The following SPNS3 variants were observed in gnomAD, a reference collection of about 807,000 sequenced individuals.
The protein encoded by SPNS3 is protein spinster homolog 3.
In SPNS3, 51 loss-of-function variants were observed where a neutral mutation model predicts 54.4. The ratio of observed to expected loss-of-function variants is 0.94; its 90% CI spans 0.75 to 1.18. The LOEUF is 1.18. Ranked by LOEUF, SPNS3 falls within the 50% of genes most tolerant of loss-of-function variation. The pLI is 0.00. For synonymous variants in SPNS3, 309 were observed against 294.7 expected (o/e 1.05, Z -0.50); for missense variants, 669 against 677.4 (o/e 0.99, Z 0.14).
chr17:4,467,764 C>T (rs1971722294), intron 8 of SPNS3, among the ~76,000 whole-genome samples: 1 of 152,176 alleles, frequency 6.6e-6, no homozygotes. Flanking sequence ...CTGCTGAATT[C>T]AAGTGATTCT....
chr17:4,479,230 C>A (rs1364363909), intron 9 of SPNS3, among the ~76,000 whole-genome samples: 1 of 152,232 alleles, frequency 6.6e-6, no homozygotes, highest in African/African-American at 2.4e-5. Flanking sequence ...CGTGAGCCAC[C>A]GTGCCTGGCC....
chr17:4,467,333 C>G (rs1033065708), intron 8 of SPNS3, among the ~76,000 whole-genome samples: 3 of 152,056 alleles, frequency 2.0e-5, no homozygotes, highest in Non-Finnish European at 2.9e-5. Context: ...CCCAAAACTT[C>G]GTGGCTTAAA....
intron 2 of SPNS3, among the ~76,000 whole-genome samples, chr17:4,443,863 G>A (rs1049771991): frequency 4.6e-5 from 7 of 152,372 alleles, no homozygotes; most frequent in Admixed American, 3.3e-4. Context: ...CACTTTAGGA[G>A]GCCGAGGTGG....
At position 4,446,921 on chromosome 17, in the gene SPNS3, G is replaced by T. The variant is rs1418325182; in HGVS notation, c.580G>T (p.Ala194Ser). The change falls in exon 5 of 12, where the codon GCT becomes TCT. Residue 194 changes from alanine (A) to serine (S), a missense_variant. Physicochemically the swap from Ala to Ser is moderately conservative, Grantham distance 99. Coordinates refer to ENST00000355530, the MANE Select transcript of SPNS3 (RefSeq NM_182538.5). ...GSGLGYVLGSAVTMLTGNWRW... is the reference protein window; with the variant it reads ...GSGLGYVLGSSVTMLTGNWRW... Reference sequence around the variant, plus strand: ...TGGTCTGGGCTACGTGCTGGGGTCGGCTGTGACGATGCTGACTGGGAACTG... The same window carrying T: ...TGGTCTGGGCTACGTGCTGGGGTCGTCTGTGACGATGCTGACTGGGAACTG... 1.9e-6 allele frequency: 3 copies of T among 1,613,952 alleles called. No homozygotes were observed. Among genetic ancestry groups the T allele is most frequent in the Non-Finnish European group, 2.5e-6 (3 of 1,180,014 alleles).
Position 4,472,594 on chromosome 17 carries a change from T to C in SPNS3, c.1114-5978T>C, listed in dbSNP as rs116221529. Among the ~76,000 whole-genome samples, 917 of 152,172 alleles carry C rather than the reference T, an allele frequency of 6.0e-3. 3 individuals carry two copies. The highest frequency in any genetic ancestry group is 0.02 in the African/African-American group (817 of 41,538). On this transcript the variant is annotated intron_variant, in intron 8 of 11. Transcript: ENST00000355530. ...TGAGTGGAGTCCGTGATTGGAGCCA[T>C]TGTTGGCTTTCTCTGTTTTTCCTCT...
At chr17:4,462,792 T>C (rs1235693537) in intron 8 of SPNS3, among the ~76,000 whole-genome samples, 1 of 128,942 alleles carries the variant, frequency 7.8e-6, no homozygotes, top group African/African-American at 3.2e-5. Context: ...CATCCATCCA[T>C]CCATCCATCC....
chr17:4,465,746 C>T (rs1971659954), intron 8 of SPNS3, among the ~76,000 whole-genome samples: 1 of 152,130 alleles, frequency 6.6e-6, no homozygotes, highest in Non-Finnish European at 1.5e-5. Flanking sequence ...AAGAAATGGA[C>T]TCTATCTTTT....
chr17:4,468,227 G>A (rs1161147661), intron 8 of SPNS3, among the ~76,000 whole-genome samples: 2 of 152,142 alleles, frequency 1.3e-5, no homozygotes, highest in African/African-American at 4.8e-5. Context: ...AATCGCTTGA[G>A]CTTAAGCTCA....
intron 11 of SPNS3, 65 bp from the exon 12 acceptor site, chr17:4,487,741 C>T: frequency 1.3e-6 from 2 of 1,490,588 alleles, no homozygotes; most frequent in East Asian, 2.2e-5. Flanking sequence ...CGTGCCCAGG[C>T]CCAGGCCTGG....
chr17:4,453,936 G>A (rs1971236668), intron 8 of SPNS3, among the ~76,000 whole-genome samples: 1 of 151,912 alleles, frequency 6.6e-6, no homozygotes. Flanking sequence ...CCCCTTCATG[G>A]GCCTCACACT....
intron 8 of SPNS3, among the ~76,000 whole-genome samples, chr17:4,453,623 A>T (rs1212501506): frequency 6.7e-6 from 1 of 150,204 alleles, no homozygotes; most frequent in Non-Finnish European, 1.5e-5. Flanking sequence ...ATCTTGGGGG[A>T]AAAAAACAGA....
At chr17:4,455,872 C>T (rs983708583) in intron 8 of SPNS3, among the ~76,000 whole-genome samples, 19 of 152,176 alleles carry the variant, frequency 1.2e-4, no homozygotes, top group Non-Finnish European at 2.8e-4. Flanking sequence ...AGCGTCCAGT[C>T]AGGGAGAAAA....
chr17:4,487,304 G>A (rs937767711), intron 11 of SPNS3, among the ~76,000 whole-genome samples: 3 of 152,174 alleles, frequency 2.0e-5, no homozygotes, highest in Non-Finnish European at 4.4e-5. Flanking sequence ...AGACGCTTCC[G>A]GCAGTGGGGA....
chr17:4,448,237 A>C lies in SPNS3; in HGVS notation c.704A>C (p.Gln235Pro), dbSNP rs371109204. The C allele has an allele frequency of 6.2e-7, 1 of 1,600,288 alleles. No homozygotes were observed. The highest frequency in any genetic ancestry group is 8.5e-7 in the Non-Finnish European group (1 of 1,174,178). ...CCACCCCGGGGAGCTGCCGAGACAC[A>C]GGGGGAGGGGGCCGTGGGAGGCTTC... ...PDPPRGAAET[Q>P]GEGAVGGFRS... Residue 235 changes from glutamine (Q) to proline (P), a missense_variant, in exon 6 of 12, where the codon CAG becomes CCG. By Grantham distance (76) the Gln-to-Pro change is moderately conservative. Coordinates refer to ENST00000355530, the MANE Select transcript of SPNS3 (RefSeq NM_182538.5).
chr17:4,470,561 A>G (rs919487485), intron 8 of SPNS3, among the ~76,000 whole-genome samples: 4 of 152,130 alleles, frequency 2.6e-5, no homozygotes, highest in African/African-American at 9.7e-5. Flanking sequence ...TCACCCCAAA[A>G]AGAAATTTCA....
At chr17:4,463,592 A>G (rs1971598202) in intron 8 of SPNS3, among the ~76,000 whole-genome samples, 1 of 151,516 alleles carries the variant, frequency 6.6e-6, no homozygotes, top group Non-Finnish European at 1.5e-5. Flanking sequence ...TTAAAAATTT[A>G]GCTGGGCGTG....
In SPNS3 at chr17:4,478,565, T is replaced by A; in HGVS notation, c.1114-7T>A. The A allele has an allele frequency of 6.4e-7, 1 of 1,567,886 alleles. No homozygotes were observed. The highest frequency in any genetic ancestry group is 1.2e-5 in the South Asian group (1 of 85,268). Reference sequence around the variant, plus strand: ...GAATCCTCACCCAGGCCACCCTCTGTCCACAGGTGTTCCTGGGCCTTGGGG... The same window carrying A: ...GAATCCTCACCCAGGCCACCCTCTGACCACAGGTGTTCCTGGGCCTTGGGG... On this transcript the variant is annotated splice_polypyrimidine_tract_variant and splice_region_variant and intron_variant, in intron 8 of 11. Coordinates refer to ENST00000355530, the MANE Select transcript of SPNS3 (RefSeq NM_182538.5).
intron 11 of SPNS3, among the ~76,000 whole-genome samples, chr17:4,487,167 CAAAAAAAAAAAAAA>C (rs35822922): frequency 2.8e-5 from 2 of 70,488 alleles, no homozygotes; most frequent in African/African-American, 5.5e-5. Flanking sequence ...AAGACTGTCT[CAAAAAAAAAAAAAA>C]AAAAAAAAAA....
In SPNS3 at chr17:4,461,361, C is replaced by CTTTTTTTTTTTTTTTTTTTTTTTTT. The variant is rs55928003; in HGVS notation, c.1113+8158_1113+8182dup. On this transcript the variant is annotated intron_variant, in intron 8 of 11. Transcript: ENST00000355530. ...TATTTGCTTTCTTTTCTTTTCTTTT[C>CTTTTTTTTTTTTTTTTTTTTTTTTT]TTTTTTTTTTTTTTTTTTTTTTTTT... Among the ~76,000 whole-genome samples the CTTTTTTTTTTTTTTTTTTTTTTTTT allele has an allele frequency of 1.5e-3, 50 of 33,418 alleles. 8 individuals are homozygous for CTTTTTTTTTTTTTTTTTTTTTTTTT. Among genetic ancestry groups the CTTTTTTTTTTTTTTTTTTTTTTTTT allele is most frequent in the Non-Finnish European group, 2.1e-3 (35 of 16,580 alleles). The allele number at this position is 33,418 out of a possible 152,430, so 21.9% of individuals were successfully genotyped here.
Sources: gnomAD v4.1 joint callset for allele counts (sites outside exome capture counted in the v4.1 genomes callset) on GRCh38, gnomAD v4.1.1 for gene constraint, MANE v1.5 for transcripts, NCBI Gene and HGNC (gene_info 2026-07-23, HGNC 2026-07-21) for gene names.